Variants in DBF4B observed in about 807,000 individuals in gnomAD.
DBF4B encodes protein DBF4 homolog B.
DBF4B carries 49 observed loss-of-function variants against 53.4 expected under a neutral mutation model. The observed-to-expected ratio is 0.92, with a 90% CI of 0.73 to 1.16. The LOEUF (loss-of-function observed/expected upper bound fraction) is 1.16. DBF4B is among the 50% of genes most tolerant of loss of function. DBF4B has a pLI of 0.00. For synonymous variants in DBF4B, 257 were observed against 288.7 expected (o/e 0.89, Z 1.11); for missense variants, 692 against 775.0 (o/e 0.89, Z 1.27).
At chr17:44,732,482 TCC>T in intron 6 of DBF4B, 1 of 547,940 alleles carries the variant, frequency 1.8e-6, no homozygotes, top group Non-Finnish European at 3.3e-6. Context: ...CCGCAGGAGG[TCC>T]CTAGAACATG....
In DBF4B at chr17:44,722,209, A is replaced by G. The variant is rs16970940; in HGVS notation, c.83-671A>G. On this transcript the variant is annotated intron_variant, in intron 2 of 13. Transcript: ENST00000315005. ...TGGAATATGGGCTCATTCACTCTCC[A>G]TTTGCAGCAGCATTCTGTGCTCTCC... 8.0e-3 allele frequency among the ~76,000 whole-genome samples: 1,215 copies of G among 151,038 alleles called. 13 individuals are homozygous for G. The highest frequency in any genetic ancestry group is 0.028 in the African/African-American group (1,149 of 40,976).
At chr17:44,721,646 ACAAT>A (rs1311069046) in intron 2 of DBF4B, among the ~76,000 whole-genome samples, 1 of 152,110 alleles carries the variant, frequency 6.6e-6, no homozygotes, top group African/African-American at 2.4e-5. Context: ...TGACAGATAG[ACAAT>A]CTATACCAGA....
intron 2 of DBF4B, among the ~76,000 whole-genome samples, chr17:44,720,783 A>G (rs539733499): frequency 2.0e-5 from 3 of 151,958 alleles, no homozygotes; most frequent in African/African-American, 7.3e-5. Context: ...TTCCAATGTG[A>G]CTGCACGATT....
rs765738517 is a variant in DBF4B at position 44,729,989 on chromosome 17, C to T, written c.310C>T (p.His104Tyr). 24 of 1,613,820 alleles carry T rather than the reference C, an allele frequency of 1.5e-5. No individual in the cohort carries two copies. The highest frequency in any genetic ancestry group is 3.3e-5 in the South Asian group (3 of 91,064). Reference sequence around the variant, plus strand: ...AAAGGCAGAGAGCAGTGGGAAAAGCCATAGAGGCTGCCCTAGCCCTAGCCC... The same window carrying T: ...AAAGGCAGAGAGCAGTGGGAAAAGCTATAGAGGCTGCCCTAGCCCTAGCCC... ...EVKAESSGKS[H>Y]RGCPSPSPSE... Residue 104 changes from histidine (H) to tyrosine (Y), a missense_variant, in exon 4 of 14, where the codon CAT (histidine) becomes TAT (tyrosine). Around this residue, in one of 3 missense-constraint regions of DBF4B, gnomAD observed 597 missense variants for 665.8 expected, o/e 0.90. Coordinates refer to ENST00000315005, the MANE Select transcript of DBF4B (RefSeq NM_145663.3).
intron 13 of DBF4B, 51 bp downstream of exon 13, chr17:44,748,516 C>T (rs773260737): frequency 2.5e-6 from 4 of 1,610,902 alleles, no homozygotes; most frequent in South Asian, 2.2e-5. Context: ...ACCAGCTGAA[C>T]GTGCAGGGAC....
intron 9 of DBF4B, among the ~76,000 whole-genome samples, chr17:44,738,762 A>C (rs1168372961): frequency 2.6e-5 from 4 of 151,436 alleles, no homozygotes; most frequent in Non-Finnish European, 5.9e-5. Flanking sequence ...CCTTGGGTGT[A>C]TGCTGACATT....
chr17:44,748,129 C>T (rs2049157105), intron 12 of DBF4B, among the ~76,000 whole-genome samples: 1 of 152,230 alleles, frequency 6.6e-6, no homozygotes, highest in South Asian at 2.1e-4. Flanking sequence ...CCGGCCCCAA[C>T]CACAGGCTGC....
chr17:44,709,247 C>T (rs886831257), intron 1 of DBF4B, 57 bp from the exon 2 acceptor site: 6 of 1,606,328 alleles, frequency 3.7e-6, no homozygotes, highest in Admixed American at 1.7e-5. Flanking sequence ...GGGCGGGAGG[C>T]ATGGAAGTTC....
At chr17:44,719,843 G>T in intron 2 of DBF4B, 1 of 228,738 alleles carries the variant, frequency 4.4e-6, no homozygotes, top group Non-Finnish European at 9.2e-6. Context: ...GGAAAGCTTT[G>T]ATTTTTTTCT....
chr17:44,734,825 T>A (rs1042469534), intron 7 of DBF4B, among the ~76,000 whole-genome samples: 3 of 152,286 alleles, frequency 2.0e-5, no homozygotes, highest in African/African-American at 7.2e-5. Flanking sequence ...ATGGAGCAGC[T>A]GGGCATGGTG....
intron 3 of DBF4B, among the ~76,000 whole-genome samples, chr17:44,727,768 G>A (rs1974484932): frequency 6.6e-6 from 1 of 151,914 alleles, no homozygotes; most frequent in Admixed American, 6.6e-5. Context: ...TGCGATCTTG[G>A]CTCACTGCAA....
chr17:44,717,259 G>A (rs1213372815), intron 2 of DBF4B, among the ~76,000 whole-genome samples: 1 of 152,010 alleles, frequency 6.6e-6, no homozygotes, highest in African/African-American at 2.4e-5. Context: ...AGCTCACACT[G>A]TTCTATTTAG....
At position 44,750,726 on chromosome 17, in the gene DBF4B, C is replaced by T; in HGVS notation, c.1321C>T (p.Gln441Ter). The stretch of plus-strand genomic sequence containing the variant: ...GGCCTTGCCCAAGGGCTCCAGGGAG[C>T]AGGGCTGCCTCTGTCCCTGCCCAGC... ...LPALPKGSRE[Q>*]GCLCPCPASF... The change falls in exon 14 of 14, where the codon CAG (glutamine) becomes TAG (stop). Residue 441 changes from glutamine to a stop codon, truncating the protein, a stop_gained. Transcript: ENST00000315005. LOFTEE classifies it low-confidence loss of function (END_TRUNC). 6.2e-7 allele frequency: 1 copy of T among 1,614,112 alleles called. No homozygotes were observed. The highest frequency in any genetic ancestry group is 8.5e-7 in the Non-Finnish European group (1 of 1,180,034).
At chr17:44,725,991 T>C (rs1974293365) in intron 3 of DBF4B, among the ~76,000 whole-genome samples, 2 of 151,140 alleles carry the variant, frequency 1.3e-5, no homozygotes, top group Admixed American at 6.6e-5. Context: ...ACTGGCCCTT[T>C]TTCTTTCTTT....
chr17:44,749,242 CCT>C lies in DBF4B; in HGVS notation c.1189+778_1189+779del, dbSNP rs1362993113. 2 of 1,290,572 alleles carry C rather than the reference CCT, an allele frequency of 1.5e-6. No homozygotes were observed. Among genetic ancestry groups the C allele is most frequent in the Non-Finnish European group, 2.0e-6 (2 of 988,906 alleles). The allele number at this position is 1,290,572 out of a possible 1,614,324, so 79.9% of individuals were successfully genotyped here. A position where few individuals can be genotyped will look rare whatever the true frequency, so the allele number is the denominator to read the frequency against. The stretch of plus-strand genomic sequence containing the variant: ...CCAGCCTCTCCAGGTGCCCTGTCTC[CCT>C]GTCTCCCAGCCCTGGTCCCAACCCC... On this transcript the variant is annotated intron_variant, in intron 13 of 13. Coordinates refer to ENST00000315005, the MANE Select transcript of DBF4B (RefSeq NM_145663.3). This position sits in a 1 kb window ranked among gnomAD's most constrained non-coding sequence, Gnocchi z 4.4.
chr17:44,732,619 G>C (rs1459892496), intron 6 of DBF4B: 1 of 192,798 alleles, frequency 5.2e-6, no homozygotes, highest in Admixed American at 5.8e-5. Flanking sequence ...TGTAATCCCA[G>C]CACTTTGGGA....
Position 44,750,760 on chromosome 17 carries a change from C to CCAGTGA in DBF4B, c.1356_1357insAGTGAC (p.Thr452_Gln453insSerAsp). 3 of 1,614,208 alleles carry CCAGTGA rather than the reference C, an allele frequency of 1.9e-6. No individual in the cohort carries two copies. Among genetic ancestry groups the CCAGTGA allele is most frequent in the Non-Finnish European group, 2.5e-6 (3 of 1,180,038 alleles). ...CTCTGTCCCTGCCCAGCCTCCTTTA[C>CCAGTGA]CCAGTCTCATCTGGTCACTTCCTTG... On this transcript the variant is annotated inframe_insertion, in exon 14 of 14. Transcript: ENST00000315005.
At chr17:44,750,009 C>A (rs1017230405) in intron 13 of DBF4B, 2 of 1,001,780 alleles carry the variant, frequency 2.0e-6, no homozygotes, top group African/African-American at 3.5e-5. Context: ...ACTGACCTTT[C>A]CCCTGAGCCC....
At chr17:44,709,439 G>T in intron 2 of DBF4B, 73 bp downstream of exon 2, 2 of 1,502,354 alleles carry the variant, frequency 1.3e-6, no homozygotes, top group Non-Finnish European at 1.9e-6. Flanking sequence ...ACCGAAAAAT[G>T]TTCCCCCTGT....
Sources: allele counts gnomAD v4.1 joint callset (sites outside exome capture counted in the v4.1 genomes callset), GRCh38; gene constraint gnomAD v4.1.1; regional missense constraint gnomAD v4.1.1; non-coding constraint Gnocchi (gnomAD v3.1); transcripts MANE v1.5; gene names NCBI Gene and HGNC (gene_info 2026-07-23, HGNC 2026-07-21).